The following B4GALNT4 variants were observed in gnomAD, a reference collection of about 807,000 sequenced individuals.
B4GALNT4 encodes the protein N-acetyl-beta-glucosaminyl-glycoprotein 4-beta-N-acetylgalactosaminyltransferase 1.
A neutral mutation model predicts 110.0 loss-of-function variants in B4GALNT4; 77 were observed. That is an observed-to-expected ratio of 0.70 (90% confidence interval 0.58 to 0.85). The LOEUF is 0.85. Among genes scored for constraint, B4GALNT4 ranks in the 40% least tolerant of loss-of-function variants. B4GALNT4 has a pLI of 0.00. For missense variants in B4GALNT4, 1,575 were observed against 1,506.0 expected (o/e 1.05, Z -0.76); for synonymous variants, 785 against 655.5 (o/e 1.20, Z -3.02).
chr11:370,709 C>A (rs11246134), intron 1 of B4GALNT4, among the ~76,000 whole-genome samples: 11,899 of 152,112 alleles, frequency 0.078, 1,179 homozygotes, highest in African/African-American at 0.23. Context: ...CAGAATGCCC[C>A]CTCTGGAGGA....
intron 7 of B4GALNT4, 59 bp from the exon 8 acceptor site, chr11:373,691 C>T (rs1424907380): frequency 6.3e-7 from 1 of 1,581,284 alleles, no homozygotes; most frequent in Non-Finnish European, 8.7e-7. Context: ...GCCCCCTTCC[C>T]TGCCTCCACT....
At chr11:377,380 G>A (rs1846781191) in intron 14 of B4GALNT4, 53 bp downstream of exon 14, 4 of 1,435,778 alleles carry the variant, frequency 2.8e-6, no homozygotes, top group Admixed American at 2.6e-5. Flanking sequence ...GGGGACAGCC[G>A]GGGAGAGGAG....
rs1185574203 is a variant in B4GALNT4 at position 370,014 on chromosome 11, G to T, written c.151+60G>T. Reference sequence around the variant, plus strand: ...GGGGGCGGCGCGGGGGGCGCGGGGGGCGCGGGCGGCGCGGGGGGCGCGGGC... The same window carrying T: ...GGGGGCGGCGCGGGGGGCGCGGGGGTCGCGGGCGGCGCGGGGGGCGCGGGC... On this transcript the variant is annotated intron_variant, in intron 1 of 19. Coordinates refer to ENST00000329962, the MANE Select transcript of B4GALNT4 (RefSeq NM_178537.5). 1.8e-4 allele frequency: 23 copies of T among 126,332 alleles called. No individual in the cohort carries two copies. In the Admixed American group the frequency reaches 2.2e-3, roughly 12 times the overall value. 7.8% of individuals were successfully genotyped at this position (126,332 alleles called of 1,614,324 possible). A position where few individuals can be genotyped will look rare whatever the true frequency, so the allele number is the denominator to read the frequency against.
chr11:380,332 A>G lies in B4GALNT4; in HGVS notation c.2756A>G (p.His919Arg), dbSNP rs1846848760. ...SIVFLCDLHI[H>R]FPPNILDGIR... ...GTGTTCCTCTGCGACCTGCACATCC[A>G]CTTCCCACCCAACATCCTGGACGGC... The change falls in exon 18 of 20, where the codon CAC (histidine) becomes CGC (arginine). Residue 919 changes from histidine (H) to arginine (R), a missense_variant. By Grantham distance (29) the His-to-Arg change is conservative. Coordinates refer to ENST00000329962, the MANE Select transcript of B4GALNT4 (RefSeq NM_178537.5). 6.2e-7 allele frequency: 1 copy of G among 1,613,090 alleles called. No individual in the cohort carries two copies. Among genetic ancestry groups the G allele is most frequent in the African/African-American group, 1.3e-5 (1 of 74,834 alleles).
Position 376,057 on chromosome 11 carries a change from G to GGCC in B4GALNT4, c.1096-17_1096-16insGCC. Reference sequence around the variant, plus strand: ...GGGAGGTCCGCGCCCTGAGCCCTGCGCCCCCCCACCCCCCAGGTGTACCTG... The same window carrying GGCC: ...GGGAGGTCCGCGCCCTGAGCCCTGCGGCCCCCCCCCACCCCCCAGGTGTACCTG... On this transcript the variant is annotated splice_polypyrimidine_tract_variant and intron_variant, in intron 11 of 19. Transcript: ENST00000329962. 63 of 1,578,500 alleles carry GGCC rather than the reference G, an allele frequency of 4.0e-5. No individual in the cohort carries two copies. Among genetic ancestry groups the GGCC allele is most frequent in the Non-Finnish European group, 4.9e-5 (56 of 1,150,054 alleles).
rs942231728 is a variant in B4GALNT4, at chr11:376,971, A to G, written c.1848A>G (p.Ser616=). The part of the protein sequence containing the change: ...TLGPAAPTVD[S]NLSSEARPVT... ...GACCTGCGGCGCCCACAGTGGACTC[A>G]AACTTGTCCTCCGAAGCGCGGCCCG... Residue 616 remains serine, a synonymous_variant, in exon 14 of 20, where the codon TCA becomes TCG. Coordinates refer to ENST00000329962, the MANE Select transcript of B4GALNT4 (RefSeq NM_178537.5). 12 of 1,456,732 alleles carry G rather than the reference A, an allele frequency of 8.2e-6. No individual in the cohort carries two copies. In the African/African-American group the frequency reaches 1.8e-4, roughly 22 times the overall value. 90.2% of individuals were successfully genotyped at this position (1,456,732 alleles called of 1,614,324 possible). A position where few individuals can be genotyped will look rare whatever the true frequency, so the allele number is the denominator to read the frequency against.
rs1369544808 is a variant in B4GALNT4, at chr11:376,078, A to C, written c.1100A>C (p.Tyr367Ser). The C allele has an allele frequency of 1.3e-6, 2 of 1,547,030 alleles. No individual in the cohort carries two copies. Among genetic ancestry groups the C allele is most frequent in the South Asian group, 2.2e-5 (2 of 89,568 alleles). ...CTGCGCCCCCCCACCCCCCAGGTGT[A>C]CCTGTCCTTCGTTTATCCCAACGAC... ...IARYQGLQFV[Y>S]LSFVYPNDYT... is the part of the protein sequence containing the mutation. The change falls in exon 12 of 20, where the codon TAC becomes TCC. Residue 367 changes from tyrosine to serine, a missense_variant. Tyr to Ser is a moderately radical substitution (Grantham distance 144, BLOSUM62 -2). Transcript: ENST00000329962.
intron 8 of B4GALNT4, among the ~76,000 whole-genome samples, chr11:374,184 C>T (rs1325766215): frequency 2.0e-5 from 3 of 152,044 alleles, no homozygotes; most frequent in South Asian, 2.1e-4. Context: ...CCAGATCAGG[C>T]GGGGCCTGAG....
intron 6 of B4GALNT4, 46 bp from the exon 7 acceptor site, chr11:373,403 A>AATGTT: frequency 1.6e-6 from 2 of 1,259,488 alleles, no homozygotes; most frequent in Non-Finnish European, 2.2e-6. Flanking sequence ...CCAGGGAGAG[A>AATGTT]GTGAACCCCC....
chr11:375,578 G>A (rs1191756068), intron 9 of B4GALNT4, 51 bp downstream of exon 9: 2 of 1,603,760 alleles, frequency 1.2e-6, no homozygotes, highest in Non-Finnish European at 1.7e-6. Flanking sequence ...TGGGCTCTGG[G>A]TGTGAGTGGG....
At position 377,191 on chromosome 11, in the gene B4GALNT4, G is replaced by A. The variant is rs750679259; in HGVS notation, c.2068G>A (p.Ala690Thr). 29 of 1,586,458 alleles carry A rather than the reference G, an allele frequency of 1.8e-5. No homozygotes were observed. In the East Asian group the frequency reaches 3.9e-4, roughly 21 times the overall value. ...IDWQRTFSVG[A>T]VDFELLRSDW... ...CTGGCAGCGCACGTTCAGCGTGGGC[G>A]CCGTGGACTTCGAGCTGCTGCGCTC... is the stretch of plus-strand genomic sequence containing the variant. The change falls in exon 14 of 20, where the codon GCC becomes ACC. Residue 690 changes from alanine to threonine, a missense_variant. Transcript: ENST00000329962.
rs373050234 is a variant in B4GALNT4, at chr11:379,590, A to G, written c.2377A>G (p.Ser793Gly). Residue 793 changes from serine to glycine, a missense_variant, in exon 15 of 20, where the codon AGT (serine) becomes GGT (glycine). Transcript: ENST00000329962. ...CCGCGTAGGGGATGCAGACGGAGAAAGTCCCGAACCCGCTCCCGCCGCCTC... is the reference window on the plus strand; with the variant it reads ...CCGCGTAGGGGATGCAGACGGAGAAGGTCCCGAACCCGCTCCCGCCGCCTC... ...GARVGDADGE[S>G]PEPAPAASVR... 9.0e-5 allele frequency: 142 copies of G among 1,578,548 alleles called. 1 individual carries two copies. The East Asian group carries it at 2.3e-3, about 26-fold the overall frequency.
Position 377,097 on chromosome 11 carries a change from G to T in B4GALNT4, c.1974G>T (p.Glu658Asp). 1 of 1,460,128 alleles carries T rather than the reference G, an allele frequency of 6.8e-7. No homozygotes were observed. The highest frequency in any genetic ancestry group is 9.0e-7 in the Non-Finnish European group (1 of 1,106,634). The allele number at this position is 1,460,128 out of a possible 1,614,324, so 90.4% of individuals were successfully genotyped here. The change falls in exon 14 of 20, where the codon GAG becomes GAT. Residue 658 changes from glutamate (E) to aspartate (D), a missense_variant. By Grantham distance (45) the Glu-to-Asp change is conservative. Transcript: ENST00000329962. The part of the protein sequence containing the change: ...EGEDDGAPGD[E>D]AASEDSEEAA... ...AGGACGATGGGGCCCCGGGCGACGA[G>T]GCCGCGTCGGAGGACAGCGAGGAGG...
At chr11:380,693 A>T (rs772540326) in intron 18 of B4GALNT4, 132 bp from the exon 19 acceptor site, 1 of 1,451,288 alleles carries the variant, frequency 6.9e-7, no homozygotes, top group Non-Finnish European at 9.6e-7. Flanking sequence ...GTACCACCGG[A>T]CGACTCCCGG....
At chr11:378,397 T>A (rs1194607527) in intron 14 of B4GALNT4, among the ~76,000 whole-genome samples, 4 of 152,142 alleles carry the variant, frequency 2.6e-5, no homozygotes, top group Non-Finnish European at 5.9e-5. Context: ...TGAGAGCAGC[T>A]CGTCATTTCT....
chr11:376,644 C>T lies in B4GALNT4; in HGVS notation c.1521C>T (p.Phe507=), dbSNP rs750372569. The T allele has an allele frequency of 7.0e-7, 1 of 1,426,112 alleles. No individual in the cohort carries two copies. The highest frequency in any genetic ancestry group is 1.3e-5 in the South Asian group (1 of 74,518). The allele number at this position is 1,426,112 out of a possible 1,614,324, so 88.3% of individuals were successfully genotyped here. The change falls in exon 14 of 20, where the codon TTC becomes TTT. Residue 507 remains phenylalanine (F), a synonymous_variant. Coordinates refer to ENST00000329962, the MANE Select transcript of B4GALNT4 (RefSeq NM_178537.5). ...AARAARPLPL[F]LGRAPPPRPA... ...GGGCCGCCCGCCCTTTGCCGCTCTT[C>T]TTGGGCCGAGCTCCGCCCCCGCGCC... is the stretch of plus-strand genomic sequence containing the variant.
rs551147207 is a variant in B4GALNT4 at position 374,143 on chromosome 11, C to T, written c.783+315C>T. Among the ~76,000 whole-genome samples the T allele has an allele frequency of 1.1e-4, 16 of 151,994 alleles. No individual in the cohort carries two copies. In the East Asian group the frequency reaches 2.7e-3, roughly 26 times the overall value. The stretch of plus-strand genomic sequence containing the variant: ...GAAGGAACAGACCCAGCAGAGGAAC[C>T]GGGTCTTCGAGACTAGGAGGGGTCT... On this transcript the variant is annotated intron_variant, in intron 8 of 19. Coordinates refer to ENST00000329962, the MANE Select transcript of B4GALNT4 (RefSeq NM_178537.5).
At position 379,591 on chromosome 11, in the gene B4GALNT4, G is replaced by T; in HGVS notation, c.2378G>T (p.Ser793Ile). The change falls in exon 15 of 20, where the codon AGT becomes ATT. Residue 793 changes from serine to isoleucine, a missense_variant. Coordinates refer to ENST00000329962, the MANE Select transcript of B4GALNT4 (RefSeq NM_178537.5). ...CGCGTAGGGGATGCAGACGGAGAAA[G>T]TCCCGAACCCGCTCCCGCCGCCTCC... ...GARVGDADGE[S>I]PEPAPAASVR... 1 of 1,578,290 alleles carries T rather than the reference G, an allele frequency of 6.3e-7. No individual in the cohort carries two copies.
Position 380,210 on chromosome 11 carries a change from G to C in B4GALNT4, c.2715+8G>C, listed in dbSNP as rs780945913. Reference sequence around the variant, plus strand: ...GGAGTGGACGCGGTAGAGGTCCGAGGGCCCCATGGGGGTCGGGGAGCAAAA... The same window carrying C: ...GGAGTGGACGCGGTAGAGGTCCGAGCGCCCCATGGGGGTCGGGGAGCAAAA... On this transcript the variant is annotated splice_region_variant and intron_variant, in intron 17 of 19. Coordinates refer to ENST00000329962, the MANE Select transcript of B4GALNT4 (RefSeq NM_178537.5). The C allele has an allele frequency of 6.2e-7, 1 of 1,603,436 alleles. No individual in the cohort carries two copies. Among genetic ancestry groups the C allele is most frequent in the Non-Finnish European group, 8.5e-7 (1 of 1,173,002 alleles).
Sources: allele counts gnomAD v4.1 joint callset (sites outside exome capture counted in the v4.1 genomes callset), GRCh38; gene constraint gnomAD v4.1.1; transcripts MANE v1.5; gene names NCBI Gene and HGNC (gene_info 2026-07-23, HGNC 2026-07-21).